VWF: variants seen among roughly 807,000 people sequenced by gnomAD.
VWF encodes von Willebrand factor, also known as Factor VIII related antigen.
VWF carries 176 observed loss-of-function variants against 308.6 expected under a neutral mutation model. The observed-to-expected ratio is 0.57, with a 90% CI of 0.50 to 0.65. The LOEUF is 0.65. VWF is among the 30% of genes least tolerant of loss of function. The probability of loss-of-function intolerance (pLI) is 0.00; values close to 1 mark genes in which losing one functional copy is unlikely to be tolerated. For missense variants in VWF, 3,146 were observed against 3,648.2 expected, an observed-to-expected ratio of 0.86 and a Z score of 3.55; for synonymous variants, 1,385 against 1,443.4, an observed-to-expected ratio of 0.96 and a Z score of 0.92.
chr12:6,052,128 A>G (rs1944521715), intron 16 of VWF, among the ~76,000 whole-genome samples: 1 of 152,168 alleles, frequency 6.6e-6, no homozygotes, highest in Admixed American at 6.5e-5. Flanking sequence ...CAGGGTAGCA[A>G]TGCCCCATGG....
chr12:5,980,879 C>T (rs1319199273), intron 42 of VWF, among the ~76,000 whole-genome samples: 1 of 152,232 alleles, frequency 6.6e-6, no homozygotes, highest in East Asian at 1.9e-4. Context: ...GCAGTTCTGG[C>T]TCATTTCAGT....
At chr12:6,092,060 G>A (rs1308300984) in intron 6 of VWF, among the ~76,000 whole-genome samples, 2 of 152,138 alleles carry the variant, frequency 1.3e-5, no homozygotes, top group South Asian at 2.1e-4. Flanking sequence ...GGCCTGTCGC[G>A]TCCATCATGA....
intron 38 of VWF, among the ~76,000 whole-genome samples, chr12:5,991,306 C>G (rs1025632121): frequency 1.3e-5 from 2 of 152,072 alleles, no homozygotes. Context: ...CTAAAGAGTT[C>G]TGCAATAAAG....
chr12:5,966,098 A>G (rs1943399858), intron 47 of VWF, among the ~76,000 whole-genome samples: 1 of 152,076 alleles, frequency 6.6e-6, no homozygotes, highest in Non-Finnish European at 1.5e-5. Context: ...CCCTCCAGAG[A>G]GCAGGCTGCA....
At chr12:6,092,578 G>A (rs113435819) in intron 6 of VWF, among the ~76,000 whole-genome samples, 6 of 134,236 alleles carry the variant, frequency 4.5e-5, no homozygotes, top group East Asian at 2.0e-4. Context: ...GTGTGCGTGC[G>A]TGCATGCCAC....
At chr12:6,073,513 T>G in intron 8 of VWF, 106 bp downstream of exon 8, 2 of 1,519,424 alleles carry the variant, frequency 1.3e-6, no homozygotes, top group Non-Finnish European at 1.8e-6. Context: ...AAAAGGCTTC[T>G]GATTTCAGCA....
intron 34 of VWF, among the ~76,000 whole-genome samples, chr12:6,007,805 A>G (rs2136399785): frequency 6.6e-6 from 1 of 152,308 alleles, no homozygotes; most frequent in Non-Finnish European, 1.5e-5. Flanking sequence ...CTTTAGCTAG[A>G]TTAACCAAGA....
intron 47 of VWF, among the ~76,000 whole-genome samples, chr12:5,963,998 G>A (rs1338779835): frequency 6.6e-6 from 1 of 151,856 alleles, no homozygotes. Flanking sequence ...ACGAGGTCAG[G>A]AGATTGAGAC....
At chr12:6,099,555 GTCCACTC>G (rs1296658391) in intron 5 of VWF, among the ~76,000 whole-genome samples, 2 of 151,992 alleles carry the variant, frequency 1.3e-5, no homozygotes, top group African/African-American at 4.8e-5. Flanking sequence ...TGATGAAACA[GTCCACTC>G]TAAGCAAGAG....
Position 5,982,965 on chromosome 12 carries a change from C to A in VWF, c.7081+185G>T, listed in dbSNP as rs1489499803. Reference sequence around the variant, plus strand: ...ACACCTGGTATCCTTCAGCAGCGTGCAGCCGGAAGGATTCCGTGCAGGTGT... The same window carrying A: ...ACACCTGGTATCCTTCAGCAGCGTGAAGCCGGAAGGATTCCGTGCAGGTGT... On this transcript the variant is annotated intron_variant, in intron 41 of 51. Transcript: ENST00000261405. Among the ~76,000 whole-genome samples the A allele has an allele frequency of 1.3e-5, 2 of 152,242 alleles. 1 individual carries two copies. The highest frequency in any genetic ancestry group is 4.1e-4 in the South Asian group (2 of 4,832).
chr12:6,028,294 A>G (rs1944217949), intron 22 of VWF, among the ~76,000 whole-genome samples: 1 of 152,180 alleles, frequency 6.6e-6, no homozygotes, highest in African/African-American at 2.4e-5. Context: ...ATAAGGAAAC[A>G]CCCTAGAATA....
At chr12:5,983,363 G>A (rs1364286038) in intron 40 of VWF, 109 bp from the exon 41 acceptor site, 1 of 1,065,448 alleles carries the variant, frequency 9.4e-7, no homozygotes, top group East Asian at 2.7e-5. Context: ...ACTGTTTTAG[G>A]TAAGTGATGA....
chr12:6,041,365 G>A (rs2136437147), intron 18 of VWF, among the ~76,000 whole-genome samples: 1 of 151,914 alleles, frequency 6.6e-6, no homozygotes, highest in Admixed American at 6.5e-5. Flanking sequence ...GGGAGGTGGG[G>A]GTTGCAGTGA....
chr12:6,109,561 C>G (rs925912336), intron 5 of VWF, among the ~76,000 whole-genome samples: 2 of 152,120 alleles, frequency 1.3e-5, no homozygotes, highest in African/African-American at 4.8e-5. Flanking sequence ...AGAAAGATAA[C>G]ATATGTAAGT....
intron 7 of VWF, among the ~76,000 whole-genome samples, chr12:6,074,648 G>T (rs894301245): frequency 6.6e-6 from 1 of 152,102 alleles, no homozygotes; most frequent in Admixed American, 6.5e-5. Context: ...AGATGTGGCC[G>T]GCTCAGCTCA....
In VWF at chr12:6,060,310, G is replaced by A. The variant is rs937301130; in HGVS notation, c.1534-2266C>T. 2.0e-5 allele frequency among the ~76,000 whole-genome samples: 3 copies of A among 152,130 alleles called. No individual in the cohort carries two copies. Among genetic ancestry groups the A allele is most frequent in the Non-Finnish European group, 4.4e-5 (3 of 68,014 alleles). On this transcript the variant is annotated intron_variant, in intron 13 of 51. Coordinates refer to ENST00000261405, the MANE Select transcript of VWF (RefSeq NM_000552.5). The surrounding 1 kb of genome is among the most constrained non-coding windows in gnomAD (Gnocchi z 5.1). Reference sequence around the variant, plus strand: ...CAGAGGATGTGATTTCTGCTGGCTGGAGCCTTGCTGCCTGGACCGCCAGCC... The same window carrying A: ...CAGAGGATGTGATTTCTGCTGGCTGAAGCCTTGCTGCCTGGACCGCCAGCC...
At position 5,996,049 on chromosome 12, in the gene VWF, C is replaced by T. The variant is rs140229844; in HGVS notation, c.6016G>A (p.Glu2006Lys). Residue 2006 changes from glutamate to lysine, a missense_variant, in exon 35 of 52, where the codon GAG becomes AAG. Glu to Lys is a moderately conservative substitution (Grantham distance 56, BLOSUM62 1). Transcript: ENST00000261405. ...ACGGAGAGGGCACTGTGCTTCACCTCGATGGATTTCATGCAGCCCTGCCTT... is the reference window on the plus strand; with the variant it reads ...ACGGAGAGGGCACTGTGCTTCACCTTGATGGATTTCATGCAGCCCTGCCTT... The part of the protein sequence containing the change: ...GARQGCMKSI[E>K]VKHSALSVEL... 3.5e-5 allele frequency: 57 copies of T among 1,613,658 alleles called. No individual in the cohort carries two copies. The African/African-American group carries it at 7.1e-4, about 20-fold the overall frequency.
rs1289549922 is a variant in VWF at position 6,036,445 on chromosome 12, A to G, written c.2489T>C (p.Phe830Ser). The change falls in exon 19 of 52, where the codon TTC becomes TCC. Residue 830 changes from phenylalanine (F) to serine (S), a missense_variant. By Grantham distance (155) the Phe-to-Ser change is radical. Transcript: ENST00000261405. ...AGGGGCATACTCCTTGCCCTGATGG[A>G]AGCAGGGACACCTTTCCAGGGCCAC... ...RCVALERCPCFHQGKEYAPGE... is the reference protein window; with the variant it reads ...RCVALERCPCSHQGKEYAPGE... 1 of 1,614,226 alleles carries G rather than the reference A, an allele frequency of 6.2e-7. No individual in the cohort carries two copies. The highest frequency in any genetic ancestry group is 8.5e-7 in the Non-Finnish European group (1 of 1,180,036).
chr12:6,018,943 C>T lies in VWF; in HGVS notation c.4475G>A (p.Arg1492Lys). Reference protein sequence around the residue: ...LLGVSTLGPKRNSMVLDVAFV... With the variant: ...LLGVSTLGPKKNSMVLDVAFV... ...CGCCACATCCAGAACCATGGAGTTC[C>T]TCTTGGGCCCCAGGGTCGAAACCCC... The change falls in exon 28 of 52, where the codon AGG becomes AAG. Residue 1492 changes from arginine (R) to lysine (K), a missense_variant. Coordinates refer to ENST00000261405, the MANE Select transcript of VWF (RefSeq NM_000552.5). 1.2e-6 allele frequency: 2 copies of T among 1,613,930 alleles called. No individual in the cohort carries two copies. The highest frequency in any genetic ancestry group is 1.7e-5 in the Admixed American group (1 of 60,012).
Sources: allele counts gnomAD v4.1 joint callset (sites outside exome capture counted in the v4.1 genomes callset), GRCh38; gene constraint gnomAD v4.1.1; non-coding constraint Gnocchi (gnomAD v3.1); transcripts MANE v1.5; gene names NCBI Gene and HGNC (gene_info 2026-07-23, HGNC 2026-07-21).